SEMA3C: variants seen among roughly 807,000 people sequenced by gnomAD.
SEMA3C encodes the protein semaphorin 3C, also known as semaphorin-3C.
A neutral mutation model predicts 89.4 loss-of-function variants in SEMA3C; 47 were observed. The observed-to-expected ratio is 0.53, with a 90% CI of 0.42 to 0.67. SEMA3C has a LOEUF of 0.67. SEMA3C is among the 30% of genes least tolerant of loss of function. The probability of loss-of-function intolerance (pLI) is 0.00; values close to 1 mark genes in which losing one functional copy is unlikely to be tolerated. For synonymous variants in SEMA3C, 310 were observed against 320.2 expected, an observed-to-expected ratio of 0.97 and a Z score of 0.34; for missense variants, 839 against 929.1, an observed-to-expected ratio of 0.90 and a Z score of 1.26.
intron 2 of SEMA3C, among the ~76,000 whole-genome samples, chr7:80,878,607 T>C (rs939281787): frequency 2.1e-4 from 32 of 151,974 alleles, no homozygotes; most frequent in Admixed American, 2.0e-3. Context: ...AAGGAGTGAG[T>C]GGGGATCCAA....
At chr7:80,820,505 G>A (rs530641189) in intron 4 of SEMA3C, among the ~76,000 whole-genome samples, 6 of 151,336 alleles carry the variant, frequency 4.0e-5, no homozygotes, top group African/African-American at 1.5e-4. Context: ...ATTATTACTT[G>A]CCAGCAAATA....
At chr7:80,754,206 G>A (rs1367854594) in intron 15 of SEMA3C, among the ~76,000 whole-genome samples, 1 of 152,128 alleles carries the variant, frequency 6.6e-6, no homozygotes, top group Non-Finnish European at 1.5e-5. Flanking sequence ...CAAAGTGCTG[G>A]GATTACAGGT....
At chr7:80,811,550 G>C (rs1445524662) in intron 5 of SEMA3C, among the ~76,000 whole-genome samples, 1 of 149,986 alleles carries the variant, frequency 6.7e-6, no homozygotes, top group Non-Finnish European at 1.5e-5. Flanking sequence ...AAAATTCAAA[G>C]TAAAAAAAAA....
intron 12 of SEMA3C, among the ~76,000 whole-genome samples, chr7:80,778,148 G>A (rs1331762991): frequency 6.6e-6 from 1 of 152,120 alleles, no homozygotes; most frequent in Non-Finnish European, 1.5e-5. Context: ...CTGTGATATA[G>A]CTAAAGAATA....
At chr7:80,827,532 T>A in intron 3 of SEMA3C, 45 bp from the exon 4 acceptor site, 1 of 1,509,064 alleles carries the variant, frequency 6.6e-7, no homozygotes, top group Non-Finnish European at 9.0e-7. Flanking sequence ...CACCTGGACA[T>A]ATGACAGCCC....
intron 14 of SEMA3C, 28 bp downstream of exon 14, chr7:80,761,583 TAAGCA>T: frequency 8.9e-7 from 1 of 1,123,932 alleles, no homozygotes; most frequent in Non-Finnish European, 1.3e-6. Flanking sequence ...AACATTTCAA[TAAGCA>T]AAGAACATAA....
At chr7:80,919,252 CG>C, upstream of SEMA3C, 1 of 985,228 alleles carries the variant, frequency 1.0e-6, no homozygotes, top group Non-Finnish European at 1.2e-6. Context: ...GGGGGCGGAC[CG>C]GGCGGGGCCG....
At chr7:80,879,793 G>A (rs1042141943) in intron 2 of SEMA3C, among the ~76,000 whole-genome samples, 2 of 152,072 alleles carry the variant, frequency 1.3e-5, no homozygotes, top group Non-Finnish European at 2.9e-5. Flanking sequence ...CATAACAGGA[G>A]GCAAACCACA....
At chr7:80,831,874 CT>C (rs1790015923) in intron 2 of SEMA3C, among the ~76,000 whole-genome samples, 1 of 152,174 alleles carries the variant, frequency 6.6e-6, no homozygotes, top group South Asian at 2.1e-4. Flanking sequence ...TGAATATGCC[CT>C]TACTACTTTT....
chr7:80,871,322 T>A (rs1791052943), intron 2 of SEMA3C, among the ~76,000 whole-genome samples: 1 of 152,194 alleles, frequency 6.6e-6, no homozygotes, highest in African/African-American at 2.4e-5. Flanking sequence ...TCCTGTTACT[T>A]CCTTGCCTAG....
In SEMA3C at chr7:80,758,397, A is replaced by G; in HGVS notation, c.1577T>C (p.Leu526Pro). The G allele has an allele frequency of 6.2e-7, 1 of 1,614,132 alleles. No individual in the cohort carries two copies. Among genetic ancestry groups the G allele is most frequent in the Non-Finnish European group, 8.5e-7 (1 of 1,180,028 alleles). ...CCAGGCGCAATAAGGGTCCCGCGCC[A>G]GGCAGCAGTCAGCACAGGCTGTACC... ...IYGTACADCC[L>P]ARDPYCAWDG... The change falls in exon 15 of 18, where the codon CTG becomes CCG. Residue 526 changes from leucine to proline, a missense_variant. Transcript: ENST00000265361.
chr7:80,828,749 A>C lies in SEMA3C; in HGVS notation c.104-4T>G. On this transcript the variant is annotated splice_region_variant and splice_polypyrimidine_tract_variant and intron_variant, in intron 2 of 17. Transcript: ENST00000265361. Reference sequence around the variant, plus strand: ...GAGGTCTTGGTTTCTCGAAGTTCTGAAAGAGTGAACAGCACAAGTGTAGAT... The same window carrying C: ...GAGGTCTTGGTTTCTCGAAGTTCTGCAAGAGTGAACAGCACAAGTGTAGAT... 1 of 1,603,076 alleles carries C rather than the reference A, an allele frequency of 6.2e-7. No individual in the cohort carries two copies. Among genetic ancestry groups the C allele is most frequent in the Non-Finnish European group, 8.5e-7 (1 of 1,173,198 alleles).
chr7:80,832,893 A>T (rs1232513919), intron 2 of SEMA3C, among the ~76,000 whole-genome samples: 1 of 152,122 alleles, frequency 6.6e-6, no homozygotes, highest in Non-Finnish European at 1.5e-5. Flanking sequence ...AATAAATACT[A>T]ACTGATATTA....
In SEMA3C at chr7:80,758,393, C is replaced by T. The variant is rs147999048; in HGVS notation, c.1581G>A (p.Ala527=). 30 of 1,613,914 alleles carry T rather than the reference C, an allele frequency of 1.9e-5. No individual in the cohort carries two copies. Among genetic ancestry groups the T allele is most frequent in the Admixed American group, 6.7e-5 (4 of 59,996 alleles). ...YGTACADCCL[A]RDPYCAWDGH... The stretch of plus-strand genomic sequence containing the variant: ...CATCCCAGGCGCAATAAGGGTCCCG[C>T]GCCAGGCAGCAGTCAGCACAGGCTG... Residue 527 remains alanine, a synonymous_variant, in exon 15 of 18, where the codon GCG becomes GCA. Transcript: ENST00000265361.
rs768156116 is a variant in SEMA3C, at chr7:80,761,608, G to C, written c.1485+8C>G. ...TAAGCAAAGAACATAAAATAGCTTA[G>C]TTTTTACCTTTTTAGATGAAATTTT... On this transcript the variant is annotated splice_region_variant and intron_variant, in intron 14 of 17. Transcript: ENST00000265361. 3 of 1,276,086 alleles carry C rather than the reference G, an allele frequency of 2.4e-6. No homozygotes were observed. The highest frequency in any genetic ancestry group is 2.3e-5 in the Admixed American group (1 of 43,446). 79.0% of individuals were successfully genotyped at this position (1,276,086 alleles called of 1,614,324 possible). A position where few individuals can be genotyped will look rare whatever the true frequency, so the allele number is the denominator to read the frequency against.
chr7:80,829,739 A>C (rs1274837932), intron 2 of SEMA3C, among the ~76,000 whole-genome samples: 1 of 152,152 alleles, frequency 6.6e-6, no homozygotes, highest in Non-Finnish European at 1.5e-5. Flanking sequence ...CTTTGAAGAC[A>C]ATCAACGTAT....
intron 12 of SEMA3C, among the ~76,000 whole-genome samples, chr7:80,773,977 T>C (rs1035923985): frequency 6.6e-6 from 1 of 152,188 alleles, no homozygotes; most frequent in Non-Finnish European, 1.5e-5. Context: ...TTAAAAACCC[T>C]GACATCCAGC....
intron 2 of SEMA3C, among the ~76,000 whole-genome samples, chr7:80,850,087 T>C (rs1790476934): frequency 6.6e-6 from 1 of 152,142 alleles, no homozygotes; most frequent in Admixed American, 6.5e-5. Flanking sequence ...CACTACTCTA[T>C]AGTTACATGA....
intron 2 of SEMA3C, among the ~76,000 whole-genome samples, chr7:80,852,930 G>A (rs943321937): frequency 2.0e-5 from 3 of 151,872 alleles, no homozygotes; most frequent in East Asian, 1.9e-4. Context: ...CGCCCGCCTC[G>A]GCCTCCCAAA....
Sources: allele counts gnomAD v4.1 joint callset (sites outside exome capture counted in the v4.1 genomes callset), GRCh38; gene constraint gnomAD v4.1.1; transcripts MANE v1.5; gene names NCBI Gene and HGNC (gene_info 2026-07-23, HGNC 2026-07-21).